The following SLC12A6 variants were observed in gnomAD, a reference collection of about 807,000 sequenced individuals.
SLC12A6 encodes K-Cl cotransporter 3.
SLC12A6 carries 66 observed loss-of-function variants against 135.3 expected under a neutral mutation model. That is an observed-to-expected ratio of 0.49 (90% CI 0.40 to 0.60). The LOEUF (loss-of-function observed/expected upper bound fraction) is 0.60, where lower values mean the gene tolerates loss of function less well. Among genes scored for constraint, SLC12A6 ranks in the 20% least tolerant of loss-of-function variants. The pLI, the probability that SLC12A6 is intolerant of heterozygous loss-of-function variation, is 0.00. For missense variants in SLC12A6, 1,058 were observed against 1,452.3 expected (o/e 0.73, Z 4.41); for synonymous variants, 513 against 508.8 (o/e 1.01, Z -0.11).
intron 2 of SLC12A6, among the ~76,000 whole-genome samples, chr15:34,310,547 CTGTGTG>C (rs59979245): frequency 2.9e-5 from 1 of 34,104 alleles, no homozygotes; most frequent in Non-Finnish European, 4.7e-5. Context: ...CTGGGCTCAA[CTGTGTG>C]TGTGTGTGTG....
At chr15:34,323,077 A>T (rs1226106045) in intron 2 of SLC12A6, among the ~76,000 whole-genome samples, 2 of 151,174 alleles carry the variant, frequency 1.3e-5, no homozygotes, top group African/African-American at 2.5e-5. Flanking sequence ...CCATTATGAA[A>T]ATGAATAGGC....
chr15:34,320,261 A>C (rs1888973073), intron 2 of SLC12A6, among the ~76,000 whole-genome samples: 1 of 152,244 alleles, frequency 6.6e-6, no homozygotes, highest in African/African-American at 2.4e-5. Context: ...CCATTAACAC[A>C]TGAGTATATG....
chr15:34,282,572 G>A lies in SLC12A6; in HGVS notation c.272-7183C>T, dbSNP rs1330042622. 3.3e-5 allele frequency among the ~76,000 whole-genome samples: 5 copies of A among 152,136 alleles called. No individual in the cohort carries two copies. The East Asian group carries it at 9.6e-4, about 29-fold the overall frequency. ...GCTTGAGGCCAGCCTGGGCAACATAGCAAGACCCCATCTCTTAAAAAAGAA... is the reference window on the plus strand; with the variant it reads ...GCTTGAGGCCAGCCTGGGCAACATAACAAGACCCCATCTCTTAAAAAAGAA... On this transcript the variant is annotated intron_variant, in intron 2 of 25. Coordinates refer to ENST00000354181, the MANE Select transcript of SLC12A6 (RefSeq NM_001365088.1).
intron 2 of SLC12A6, among the ~76,000 whole-genome samples, chr15:34,329,857 C>T (rs1267775937): frequency 1.3e-5 from 2 of 152,052 alleles, no homozygotes; most frequent in African/African-American, 4.8e-5. Flanking sequence ...GTAAAATGTA[C>T]CTTTTACTCT....
In SLC12A6 at chr15:34,238,198, A is replaced by C. The variant is rs191000494; in HGVS notation, c.2802+34T>G. On this transcript the variant is annotated intron_variant, in intron 21 of 25. Transcript: ENST00000354181. ...CCTGTGAACCAGGACAGAAGGGAGA[A>C]AGACTTTTGTAAAAAAAAAGTTGTA... The C allele has an allele frequency of 3.3e-6, 5 of 1,500,534 alleles. No individual in the cohort carries two copies. In the East Asian group the frequency reaches 9.0e-5, roughly 27 times the overall value. The allele number at this position is 1,500,534 out of a possible 1,614,324, so 93.0% of individuals were successfully genotyped here.
intron 2 of SLC12A6, among the ~76,000 whole-genome samples, chr15:34,324,481 T>G (rs978100221): frequency 4.6e-5 from 7 of 152,152 alleles, no homozygotes; most frequent in African/African-American, 9.7e-5. Context: ...CTGCTAAAAA[T>G]AGTTAGCATG....
At chr15:34,252,410 G>A (rs1286552283) in intron 9 of SLC12A6, 26 bp from the exon 10 acceptor site, 1 of 1,346,298 alleles carries the variant, frequency 7.4e-7, no homozygotes, top group African/African-American at 1.4e-5. Context: ...TAGGGAGAAA[G>A]ATCAAGTAAG....
At chr15:34,277,122 T>C (rs1437160551) in intron 2 of SLC12A6, among the ~76,000 whole-genome samples, 1 of 152,186 alleles carries the variant, frequency 6.6e-6, no homozygotes, top group Non-Finnish European at 1.5e-5. Context: ...TTTAAACTTA[T>C]CTTACTTCCC....
Position 34,229,868 on chromosome 15 carries a change from A to T in SLC12A6, c.*4013T>A. On this transcript the variant is annotated 3_prime_UTR_variant, in exon 26 of 26. Transcript: ENST00000354181. The stretch of plus-strand genomic sequence containing the variant: ...TTTAAGCCCAGTGGCTCCTCAGCAT[A>T]CTCTTAAACTAATCACTTATGTTAA... 2.4e-6 allele frequency: 3 copies of T among 1,274,488 alleles called. No individual in the cohort carries two copies. Among genetic ancestry groups the T allele is most frequent in the Non-Finnish European group, 2.3e-6 (2 of 871,552 alleles). 78.9% of individuals were successfully genotyped at this position (1,274,488 alleles called of 1,614,324 possible).
chr15:34,321,794 C>A (rs919255384), intron 2 of SLC12A6, among the ~76,000 whole-genome samples: 4 of 152,172 alleles, frequency 2.6e-5, no homozygotes, highest in Non-Finnish European at 5.9e-5. Context: ...AAGGAATAAA[C>A]TAGATATGTT....
In SLC12A6 at chr15:34,230,578, G is replaced by A. The variant is rs1380328418; in HGVS notation, c.*3303C>T. 1 of 152,544 alleles carries A rather than the reference G, an allele frequency of 6.6e-6. No homozygotes were observed. Among genetic ancestry groups the A allele is most frequent in the East Asian group, 1.9e-4 (1 of 5,196 alleles). The allele number at this position is 152,544 out of a possible 1,614,324, so 9.4% of individuals were successfully genotyped here. On this transcript the variant is annotated 3_prime_UTR_variant, in exon 26 of 26. Transcript: ENST00000354181. ...GGATGTGTATTTCTAATCTACCCTG[G>A]TAAAGTCATAGGTAAGACTCAAAAG...
intron 3 of SLC12A6, among the ~76,000 whole-genome samples, chr15:34,264,489 G>A (rs1893360998): frequency 6.6e-6 from 1 of 152,180 alleles, no homozygotes; most frequent in South Asian, 2.1e-4. Flanking sequence ...AAGATGATCT[G>A]ACTTCTTCAG....
chr15:34,309,644 G>A (rs530297841), intron 2 of SLC12A6, among the ~76,000 whole-genome samples: 2 of 152,054 alleles, frequency 1.3e-5, no homozygotes, highest in South Asian at 4.1e-4. Context: ...AAATCTGAAA[G>A]GAATCAAATT....
At chr15:34,256,109 G>C in intron 7 of SLC12A6, 120 bp downstream of exon 7, 1 of 736,778 alleles carries the variant, frequency 1.4e-6, no homozygotes, top group Non-Finnish European at 2.5e-6. Flanking sequence ...CCATTACTCT[G>C]TTGTAGCACA....
intron 12 of SLC12A6, 83 bp from the exon 13 acceptor site, chr15:34,250,438 G>T: frequency 1.0e-6 from 1 of 955,760 alleles, no homozygotes; most frequent in Non-Finnish European, 1.7e-6. Context: ...ACTTTCTTCT[G>T]TCAGTAAAAT....
At chr15:34,315,280 A>G (rs1888559285) in intron 2 of SLC12A6, among the ~76,000 whole-genome samples, 1 of 152,218 alleles carries the variant, frequency 6.6e-6, no homozygotes, top group Non-Finnish European at 1.5e-5. Flanking sequence ...TTGTTGTTCT[A>G]TTTTAAGAAA....
At chr15:34,239,817 C>T (rs947242643) in intron 19 of SLC12A6, among the ~76,000 whole-genome samples, 2 of 151,886 alleles carry the variant, frequency 1.3e-5, no homozygotes, top group Non-Finnish European at 2.9e-5. Context: ...ATCAGTGATG[C>T]GGCTAAGAAC....
chr15:34,318,527 A>T, intron 2 of SLC12A6: 1 of 1,553,256 alleles, frequency 6.4e-7, no homozygotes, highest in Non-Finnish European at 8.9e-7. Context: ...GAAACATTTT[A>T]TAGGTTCCAA....
At chr15:34,256,565 T>A (rs1168930402) in intron 6 of SLC12A6, among the ~76,000 whole-genome samples, 3 of 152,152 alleles carry the variant, frequency 2.0e-5, no homozygotes, top group African/African-American at 7.2e-5. Context: ...ACACAGGAAA[T>A]AGAGCATAGT....
Sources: allele counts gnomAD v4.1 joint callset (sites outside exome capture counted in the v4.1 genomes callset), GRCh38; gene constraint gnomAD v4.1.1; transcripts MANE v1.5; gene names NCBI Gene and HGNC (gene_info 2026-07-23, HGNC 2026-07-21).